Variants in GRID2 observed in about 807,000 individuals in gnomAD.
The protein encoded by GRID2 is glutamate ionotropic receptor delta type subunit 2.
A neutral mutation model predicts 114.8 loss-of-function variants in GRID2; 33 were observed. The ratio of observed to expected loss-of-function variants is 0.29; its 90% confidence interval spans 0.22 to 0.38. The LOEUF is 0.38. GRID2 is among the 10% of genes least tolerant of loss of function. The pLI is 1.00. For missense variants in GRID2, 1,184 were observed against 1,257.7 expected, an observed-to-expected ratio of 0.94 and a Z score of 0.89; for synonymous variants, 505 against 449.9, an observed-to-expected ratio of 1.12 and a Z score of -1.55.
intron 4 of GRID2, among the ~76,000 whole-genome samples, chr4:93,167,163 C>A (rs1295913294): frequency 1.3e-5 from 2 of 152,088 alleles, no homozygotes; most frequent in Admixed American, 1.3e-4. Flanking sequence ...TGAGACACAG[C>A]AAGCAATTGT....
intron 14 of GRID2, among the ~76,000 whole-genome samples, chr4:93,729,685 A>G (rs1036697477): frequency 1.3e-5 from 2 of 152,020 alleles, no homozygotes; most frequent in African/African-American, 4.8e-5. Context: ...AGCTAGGATT[A>G]CAGGTGCCCA....
At chr4:93,788,918 A>G (rs1159060267) in intron 1 of GRID2, among the ~76,000 whole-genome samples, 1 of 152,234 alleles carries the variant, frequency 6.6e-6, no homozygotes, top group Non-Finnish European at 1.5e-5. Flanking sequence ...GCATAGAAAC[A>G]GTCCTACCTC....
intron 1 of GRID2, among the ~76,000 whole-genome samples, chr4:92,372,914 G>GA (rs1431290714): frequency 2.6e-5 from 4 of 152,072 alleles, no homozygotes; most frequent in African/African-American, 9.7e-5. Context: ...TATTCTTAAT[G>GA]AAAAAATGCC....
intron 2 of GRID2, among the ~76,000 whole-genome samples, chr4:92,699,947 A>G (rs889994624): frequency 1.3e-5 from 2 of 152,208 alleles, no homozygotes; most frequent in Non-Finnish European, 2.9e-5. Flanking sequence ...ATCAAACACA[A>G]TGTAAATGTA....
chr4:92,641,077 T>G (rs1189323383), intron 2 of GRID2, among the ~76,000 whole-genome samples: 1 of 151,816 alleles, frequency 6.6e-6, no homozygotes, highest in Non-Finnish European at 1.5e-5. Context: ...GATCTAATTT[T>G]GTGCTCTTTT....
chr4:92,867,166 A>C, intron 2 of GRID2, among the ~76,000 whole-genome samples: 1 of 152,098 alleles, frequency 6.6e-6, no homozygotes, highest in East Asian at 1.9e-4. Flanking sequence ...ATGGTTGTTA[A>C]ATTTTTTATT....
At chr4:92,541,517 T>A (rs1362648955) in intron 1 of GRID2, among the ~76,000 whole-genome samples, 5 of 151,980 alleles carry the variant, frequency 3.3e-5, no homozygotes, top group African/African-American at 9.7e-5. Context: ...ATCCATCTAA[T>A]TTTTTTCACA....
chr4:93,554,866 A>G (rs1336644584), intron 13 of GRID2, among the ~76,000 whole-genome samples: 4 of 152,154 alleles, frequency 2.6e-5, no homozygotes, highest in Admixed American at 6.5e-5. Flanking sequence ...AGCAAAATCA[A>G]TGCAGAAGGC....
At chr4:93,400,160 G>A (rs1455819954) in intron 9 of GRID2, among the ~76,000 whole-genome samples, 1 of 152,032 alleles carries the variant, frequency 6.6e-6, no homozygotes, top group Non-Finnish European at 1.5e-5. Context: ...GAATCAGAAT[G>A]GACTCATGTT....
chr4:93,537,896 G>A (rs183871641), intron 13 of GRID2, among the ~76,000 whole-genome samples: 14 of 151,158 alleles, frequency 9.3e-5, no homozygotes, highest in East Asian at 5.8e-4. Context: ...TTTTTATCTC[G>A]TTTTTACCTC....
chr4:93,123,502 T>A (rs1433235213), intron 4 of GRID2, among the ~76,000 whole-genome samples: 1 of 152,148 alleles, frequency 6.6e-6, no homozygotes, highest in African/African-American at 2.4e-5. Context: ...CAAGTCAGTG[T>A]GGGAAGAGCT....
At chr4:92,519,252 C>G (rs1457642566) in intron 1 of GRID2, among the ~76,000 whole-genome samples, 1 of 151,544 alleles carries the variant, frequency 6.6e-6, no homozygotes, top group Non-Finnish European at 1.5e-5. Context: ...CTAAAAGTCA[C>G]TAAAGAAAAA....
intron 4 of GRID2, among the ~76,000 whole-genome samples, chr4:93,163,399 T>TATATAC: frequency 2.5e-3 from 124 of 49,016 alleles, no homozygotes; most frequent in Middle Eastern, 0.016. Flanking sequence ...TATATATATA[T>TATATAC]ACACTATATA....
intron 1 of GRID2, among the ~76,000 whole-genome samples, chr4:92,514,892 T>C (rs1045973257): frequency 4.0e-5 from 6 of 151,878 alleles, no homozygotes; most frequent in Non-Finnish European, 8.8e-5. Context: ...TCTGTCTGTT[T>C]CTCTTCTTTC....
chr4:92,504,341 G>T (rs1236625932), intron 1 of GRID2, among the ~76,000 whole-genome samples: 1 of 151,986 alleles, frequency 6.6e-6, no homozygotes, highest in Non-Finnish European at 1.5e-5. Flanking sequence ...GTGTGGTAGG[G>T]AATATTACAT....
At chr4:93,628,959 G>T (rs1252476630) in intron 14 of GRID2, among the ~76,000 whole-genome samples, 1 of 151,932 alleles carries the variant, frequency 6.6e-6, no homozygotes, top group African/African-American at 2.4e-5. Context: ...TAGAAATGGG[G>T]TTTTGCCATA....
intron 2 of GRID2, among the ~76,000 whole-genome samples, chr4:92,677,543 G>T (rs1733433363): frequency 6.6e-6 from 1 of 151,812 alleles, no homozygotes; most frequent in Non-Finnish European, 1.5e-5. Flanking sequence ...TCTAATTCAT[G>T]CCCCAAATTG....
chr4:93,524,785 G>GTGTA (rs1413106367), intron 13 of GRID2, among the ~76,000 whole-genome samples: 7 of 87,376 alleles, frequency 8.0e-5, no homozygotes, highest in Non-Finnish European at 1.5e-4. Context: ...GTATGTATGT[G>GTGTA]TATATATATA....
intron 13 of GRID2, among the ~76,000 whole-genome samples, chr4:93,608,141 T>G (rs993300323): frequency 6.7e-6 from 1 of 149,948 alleles, no homozygotes; most frequent in African/African-American, 2.4e-5. Flanking sequence ...TATACGTCTA[T>G]GTGTATACAT....
Sources: gnomAD v4.1 joint callset for allele counts (sites outside exome capture counted in the v4.1 genomes callset) on GRCh38, gnomAD v4.1.1 for gene constraint, MANE v1.5 for transcripts, NCBI Gene and HGNC (gene_info 2026-07-23, HGNC 2026-07-21) for gene names.